Variants in CNBD1 observed in about 807,000 individuals in gnomAD.
CNBD1 encodes the protein cyclic nucleotide binding domain containing 1.
In CNBD1, 71 loss-of-function variants were observed where a neutral mutation model predicts 54.4. That is an observed-to-expected ratio of 1.30 (90% CI 1.08 to 1.59). The LOEUF (loss-of-function observed/expected upper bound fraction) is 1.59, where lower values mean the gene tolerates loss of function less well. Among genes scored for constraint, CNBD1 ranks in the 40% most tolerant of loss-of-function variants. CNBD1 has a pLI of 0.00. For missense variants in CNBD1, 659 were observed against 518.0 expected (o/e 1.27, Z -2.64); for synonymous variants, 182 against 170.7 (o/e 1.07, Z -0.51).
At position 87,152,137 on chromosome 8, in the gene CNBD1, GA is replaced by G. The variant is rs1269541262; in HGVS notation, c.432-53849del. Among the ~76,000 whole-genome samples, 7 of 151,740 alleles carry G rather than the reference GA, an allele frequency of 4.6e-5. No homozygotes were observed. The East Asian group carries it at 1.2e-3, about 25-fold the overall frequency. On this transcript the variant is annotated intron_variant, in intron 4 of 10. Transcript: ENST00000518476. ...AGACTGGCATTATAATATTTATTTT[GA>G]AAAAAATTAAAAAAACCTGTAAGTT...
chr8:87,413,312 C>A (rs1412254107), intron 2 of CNBD1, among the ~76,000 whole-genome samples: 1 of 152,030 alleles, frequency 6.6e-6, no homozygotes, highest in Admixed American at 6.6e-5. Flanking sequence ...TTCACACTTA[C>A]TACTTTAAAT....
intron 4 of CNBD1, among the ~76,000 whole-genome samples, chr8:87,137,129 A>G (rs1420140273): frequency 7.4e-6 from 1 of 134,654 alleles, no homozygotes; most frequent in African/African-American, 2.8e-5. Context: ...TTTTTATTAT[A>G]TATAAATTAT....
intron 4 of CNBD1, among the ~76,000 whole-genome samples, chr8:86,996,383 T>C (rs756828946): frequency 6.6e-6 from 1 of 152,230 alleles, no homozygotes; most frequent in Non-Finnish European, 1.5e-5. Context: ...TAAACATTAA[T>C]TGATGTAAAC....
intron 4 of CNBD1, among the ~76,000 whole-genome samples, chr8:87,138,235 A>G (rs1812299678): frequency 6.6e-6 from 1 of 152,136 alleles, no homozygotes; most frequent in Non-Finnish European, 1.5e-5. Context: ...AGTTCCTACT[A>G]TTACACTGAA....
intron 4 of CNBD1, among the ~76,000 whole-genome samples, chr8:87,085,476 A>C (rs1183601118): frequency 1.3e-5 from 2 of 151,870 alleles, no homozygotes; most frequent in African/African-American, 4.8e-5. Flanking sequence ...CTCTTTGTTC[A>C]GTTTTTATCA....
intron 5 of CNBD1, among the ~76,000 whole-genome samples, chr8:87,234,164 T>C (rs971806040): frequency 6.6e-6 from 1 of 152,126 alleles, no homozygotes; most frequent in African/African-American, 2.4e-5. Context: ...ATCTGCAGTT[T>C]CCTCCTCCAC....
chr8:87,031,893 A>G (rs1361266420), intron 4 of CNBD1, among the ~76,000 whole-genome samples: 1 of 152,106 alleles, frequency 6.6e-6, no homozygotes, highest in African/African-American at 2.4e-5. Flanking sequence ...GGCATGCACC[A>G]CCACACCCAG....
At chr8:87,302,828 C>T (rs1053850043) in intron 8 of CNBD1, among the ~76,000 whole-genome samples, 7 of 152,024 alleles carry the variant, frequency 4.6e-5, no homozygotes, top group African/African-American at 1.7e-4. Context: ...CACAAGCATT[C>T]TTATACACCA....
intron 3 of CNBD1, among the ~76,000 whole-genome samples, chr8:86,907,294 C>T (rs149849751): frequency 2.0e-3 from 303 of 152,230 alleles, no homozygotes; most frequent in African/African-American, 6.9e-3. Context: ...AACCACATGC[C>T]CACCTGAAGA....
chr8:87,113,210 G>A (rs1304758594), intron 4 of CNBD1, among the ~76,000 whole-genome samples: 1 of 152,192 alleles, frequency 6.6e-6, no homozygotes, highest in Non-Finnish European at 1.5e-5. Flanking sequence ...TCCAGTGTGA[G>A]CCATGGGCAG....
chr8:87,013,328 A>T (rs1012825508), intron 4 of CNBD1, among the ~76,000 whole-genome samples: 3 of 152,194 alleles, frequency 2.0e-5, no homozygotes, highest in African/African-American at 7.2e-5. Flanking sequence ...CTCAGAATTA[A>T]CTAAGAATAA....
intron 8 of CNBD1, among the ~76,000 whole-genome samples, chr8:87,333,055 T>C (rs1809869338): frequency 6.6e-6 from 1 of 152,128 alleles, no homozygotes; most frequent in Non-Finnish European, 1.5e-5. Flanking sequence ...CCTTGAGCAG[T>C]GGTTTGTAGT....
At chr8:86,925,644 G>A (rs1362603797) in intron 3 of CNBD1, among the ~76,000 whole-genome samples, 2 of 151,108 alleles carry the variant, frequency 1.3e-5, no homozygotes, top group African/African-American at 4.9e-5. Context: ...ACTTTGGGAG[G>A]CCAAGGTGGG....
intron 3 of CNBD1, among the ~76,000 whole-genome samples, chr8:86,911,544 C>A (rs1359771415): frequency 6.6e-6 from 1 of 152,002 alleles, no homozygotes; most frequent in Non-Finnish European, 1.5e-5. Context: ...ATAATCAAAT[C>A]ATGGTAGTTG....
At chr8:87,253,486 G>T (rs1057000029) in intron 6 of CNBD1, among the ~76,000 whole-genome samples, 1 of 152,142 alleles carries the variant, frequency 6.6e-6, no homozygotes, top group Non-Finnish European at 1.5e-5. Flanking sequence ...TAGGCCTGCA[G>T]GAGGTGCCTG....
chr8:86,981,954 A>G (rs1472031923), intron 4 of CNBD1, among the ~76,000 whole-genome samples: 1 of 152,162 alleles, frequency 6.6e-6, no homozygotes, highest in Non-Finnish European at 1.5e-5. Flanking sequence ...GGGTCATACT[A>G]TGTTATGTTT....
chr8:87,027,933 T>C (rs189759224), intron 4 of CNBD1, among the ~76,000 whole-genome samples: 40 of 152,298 alleles, frequency 2.6e-4, no homozygotes, highest in Middle Eastern at 3.4e-3. Flanking sequence ...CTCTCTCAGT[T>C]GGGCCTGATC....
intron 10 of CNBD1, among the ~76,000 whole-genome samples, chr8:87,374,106 A>G (rs1046538263): frequency 1.3e-5 from 2 of 151,796 alleles, no homozygotes; most frequent in Non-Finnish European, 2.9e-5. Context: ...ATAATTCATC[A>G]TAAAAAAAGA....
intron 8 of CNBD1, among the ~76,000 whole-genome samples, chr8:87,335,414 A>C (rs1809923671): frequency 6.6e-6 from 1 of 152,228 alleles, no homozygotes; most frequent in East Asian, 1.9e-4. Context: ...TATATTTAGA[A>C]TACTTAACTC....
Sources: allele counts gnomAD v4.1 joint callset (sites outside exome capture counted in the v4.1 genomes callset), GRCh38; gene constraint gnomAD v4.1.1; transcripts MANE v1.5; gene names NCBI Gene and HGNC (gene_info 2026-07-23, HGNC 2026-07-21).